Variants in P4HA1 observed in about 807,000 individuals in gnomAD.
P4HA1 encodes the protein prolyl 4-hydroxylase subunit alpha-1.
P4HA1 carries 24 observed loss-of-function variants against 72.8 expected under a neutral mutation model. The ratio of observed to expected loss-of-function variants is 0.33; its 90% confidence interval spans 0.24 to 0.46. The LOEUF is 0.46. Among genes scored for constraint, P4HA1 ranks in the 20% least tolerant of loss-of-function variants. The pLI is 1.00. For missense variants in P4HA1, 446 were observed against 640.6 expected, an observed-to-expected ratio of 0.70 and a Z score of 3.28; for synonymous variants, 201 against 218.8, an observed-to-expected ratio of 0.92 and a Z score of 0.72.
chr10:73,079,849 A>G (rs911861416), intron 1 of P4HA1, among the ~76,000 whole-genome samples: 1 of 152,168 alleles, frequency 6.6e-6, no homozygotes, highest in Non-Finnish European at 1.5e-5. Context: ...ACACTTTCCC[A>G]TTCTATTTCC....
chr10:73,019,901 C>T (rs376126155), intron 10 of P4HA1, among the ~76,000 whole-genome samples: 1 of 151,732 alleles, frequency 6.6e-6, no homozygotes, highest in Non-Finnish European at 1.5e-5. Flanking sequence ...AGAGAGCCTA[C>T]AAGACTTCTG....
chr10:73,043,878 C>T lies in P4HA1; in HGVS notation c.1148+1103G>A, dbSNP rs762235651. Reference sequence around the variant, plus strand: ...AATATGACTAAAGTTCTCTCCATTACTCCCTTACCTCTTAGATACTCTGTA... The same window carrying T: ...AATATGACTAAAGTTCTCTCCATTATTCCCTTACCTCTTAGATACTCTGTA... On this transcript the variant is annotated intron_variant, in intron 9 of 14. Transcript: ENST00000394890. 5 of 1,590,550 alleles carry T rather than the reference C, an allele frequency of 3.1e-6. No homozygotes were observed. The East Asian group carries it at 1.1e-4, about 36-fold the overall frequency.
chr10:73,067,095 T>A (rs367969800), intron 5 of P4HA1, among the ~76,000 whole-genome samples: 1 of 152,184 alleles, frequency 6.6e-6, no homozygotes, highest in South Asian at 2.1e-4. Context: ...CTTGAACTCC[T>A]ACCCTCAAGG....
chr10:73,084,326 T>C (rs1393340985), intron 1 of P4HA1, among the ~76,000 whole-genome samples: 1 of 152,206 alleles, frequency 6.6e-6, no homozygotes, highest in Non-Finnish European at 1.5e-5. Flanking sequence ...GGGGTCTGGC[T>C]TTGTTGCCCA....
chr10:73,082,467 A>G (rs1841845867), intron 1 of P4HA1: 1 of 152,210 alleles, frequency 6.6e-6, no homozygotes, highest in Admixed American at 6.5e-5. Flanking sequence ...AATAAGGCAG[A>G]CTAAAGAGTG....
intron 1 of P4HA1, among the ~76,000 whole-genome samples, chr10:73,085,586 T>C (rs533456927): frequency 9.1e-4 from 139 of 152,208 alleles, no homozygotes; most frequent in Non-Finnish European, 1.5e-3. Context: ...TTTCTCCATG[T>C]TGGTCAGGCT....
Position 73,068,872 on chromosome 10 carries a change from T to A in P4HA1, c.437A>T (p.Asp146Val). ...TGGAAGATTACCCTTTGAGATGGTA[T>A]CTGTATCCAAATTGTAGGTATCCTG... ...RLQDTYNLDT[D>V]TISKGNLPGV... Residue 146 changes from aspartate (D) to valine (V), a missense_variant, in exon 5 of 15, where the codon GAT (aspartate) becomes GTT (valine). Transcript: ENST00000394890. 1 of 1,612,776 alleles carries A rather than the reference T, an allele frequency of 6.2e-7. No individual in the cohort carries two copies. The highest frequency in any genetic ancestry group is 8.5e-7 in the Non-Finnish European group (1 of 1,178,896).
At chr10:73,070,789 G>A (rs138447191) in intron 4 of P4HA1, among the ~76,000 whole-genome samples, 1 of 152,176 alleles carries the variant, frequency 6.6e-6, no homozygotes, top group East Asian at 1.9e-4. Flanking sequence ...TAGCATTATA[G>A]AATGACTACT....
chr10:73,085,554 TG>T (rs1226864438), intron 1 of P4HA1, among the ~76,000 whole-genome samples: 1 of 152,132 alleles, frequency 6.6e-6, no homozygotes, highest in Non-Finnish European at 1.5e-5. Context: ...TGGCTAATTT[TG>T]TATTTTTAGC....
chr10:73,095,429 G>T (rs1842143070), intron 1 of P4HA1, among the ~76,000 whole-genome samples: 1 of 149,900 alleles, frequency 6.7e-6, no homozygotes, highest in South Asian at 2.1e-4. Flanking sequence ...TATGCAGACT[G>T]AATTCTTCAT....
intron 1 of P4HA1, among the ~76,000 whole-genome samples, chr10:73,096,144 G>C (rs1038981428): frequency 6.6e-5 from 10 of 152,238 alleles, no homozygotes; most frequent in Non-Finnish European, 1.3e-4. Context: ...GCTACGAGCA[G>C]AAAGCTCGGC....
At chr10:73,096,588 G>A (rs1294472066) in intron 1 of P4HA1, among the ~76,000 whole-genome samples, 178 bp downstream of exon 1, 1 of 152,186 alleles carries the variant, frequency 6.6e-6, no homozygotes, top group Non-Finnish European at 1.5e-5. Flanking sequence ...GGAGTCGCGT[G>A]GCGCAGGGAG....
chr10:73,030,220 C>T, intron 10 of P4HA1, 51 bp downstream of exon 10: 1 of 880,250 alleles, frequency 1.1e-6, no homozygotes. Flanking sequence ...AATCTCCTCT[C>T]AAGCATCTCC....
intron 4 of P4HA1, among the ~76,000 whole-genome samples, chr10:73,070,958 G>C (rs1023473159): frequency 3.9e-5 from 6 of 152,068 alleles, no homozygotes; most frequent in African/African-American, 1.4e-4. Flanking sequence ...GAGGTGGAAG[G>C]ATCACATGAG....
At chr10:73,090,918 C>T (rs1442186175) in intron 1 of P4HA1, among the ~76,000 whole-genome samples, 5 of 151,512 alleles carry the variant, frequency 3.3e-5, no homozygotes, top group Non-Finnish European at 7.4e-5. Flanking sequence ...AAAAAGTAGT[C>T]GGGCGTGGTG....
At chr10:73,013,957 CAGAG>C (rs539542251) in intron 12 of P4HA1, among the ~76,000 whole-genome samples, 1 of 152,028 alleles carries the variant, frequency 6.6e-6, no homozygotes, top group Non-Finnish European at 1.5e-5. Context: ...TATTACTAAA[CAGAG>C]AGACTATATG....
At chr10:73,045,908 A>G (rs1482145129) in intron 8 of P4HA1, among the ~76,000 whole-genome samples, 1 of 151,618 alleles carries the variant, frequency 6.6e-6, no homozygotes, top group African/African-American at 2.4e-5. Context: ...GGAGAAGCAG[A>G]AAAACTCTAA....
intron 1 of P4HA1, among the ~76,000 whole-genome samples, chr10:73,076,495 A>T (rs1841700501): frequency 6.6e-6 from 1 of 152,080 alleles, no homozygotes; most frequent in Non-Finnish European, 1.5e-5. Flanking sequence ...GTAAAAAAAA[A>T]CTTAGCCTAA....
At chr10:73,015,455 G>A (rs970707094) in intron 11 of P4HA1, among the ~76,000 whole-genome samples, 6 of 152,148 alleles carry the variant, frequency 3.9e-5, no homozygotes, top group African/African-American at 1.4e-4. Context: ...GTGCTAACAT[G>A]ACACAAGTGG....
Sources: allele counts gnomAD v4.1 joint callset (sites outside exome capture counted in the v4.1 genomes callset), GRCh38; gene constraint gnomAD v4.1.1; transcripts MANE v1.5; gene names NCBI Gene and HGNC (gene_info 2026-07-23, HGNC 2026-07-21).